The following STK32B variants were observed in gnomAD, a reference collection of about 807,000 sequenced individuals.
The protein encoded by STK32B is serine/threonine kinase 32B, also known as serine/threonine-protein kinase 32B.
A neutral mutation model predicts 52.6 loss-of-function variants in STK32B; 43 were observed. That is an observed-to-expected ratio of 0.82 (90% confidence interval 0.64 to 1.05). STK32B has a LOEUF of 1.05. Ranked by LOEUF, STK32B falls within the 50% of genes least tolerant of loss-of-function variation. STK32B has a pLI of 0.00. For missense variants in STK32B, 621 were observed against 534.6 expected, an observed-to-expected ratio of 1.16 and a Z score of -1.59; for synonymous variants, 238 against 204.3, an observed-to-expected ratio of 1.17 and a Z score of -1.41.
chr4:5,205,257 T>A (rs1397087313), intron 3 of STK32B, among the ~76,000 whole-genome samples: 1 of 152,132 alleles, frequency 6.6e-6, no homozygotes, highest in Non-Finnish European at 1.5e-5. Flanking sequence ...TCAGACTGAA[T>A]CACAACACTA....
chr4:5,171,501 T>G (rs1414665615), intron 3 of STK32B, among the ~76,000 whole-genome samples: 4 of 152,248 alleles, frequency 2.6e-5, no homozygotes, highest in South Asian at 2.1e-4. Flanking sequence ...ACAAGGAAGG[T>G]GTCCAGTTTC....
intron 3 of STK32B, among the ~76,000 whole-genome samples, chr4:5,196,490 C>T (rs796376489): frequency 7.2e-5 from 11 of 151,870 alleles, no homozygotes; most frequent in East Asian, 3.9e-4. Flanking sequence ...TAGGAGGCCA[C>T]GGTGCGTAGA....
intron 2 of STK32B, among the ~76,000 whole-genome samples, chr4:5,157,501 C>G (rs373118411): frequency 1.1e-4 from 17 of 152,148 alleles, no homozygotes; most frequent in African/African-American, 4.1e-4. Context: ...ACAGCCTCTC[C>G]GAGAGGAGAA....
At chr4:5,322,208 A>C (rs1230679995) in intron 3 of STK32B, among the ~76,000 whole-genome samples, 1 of 152,164 alleles carries the variant, frequency 6.6e-6, no homozygotes, top group Non-Finnish European at 1.5e-5. Context: ...ATGTTATTAA[A>C]GACATGTATC....
chr4:5,098,976 A>G (rs1028185723), intron 1 of STK32B, among the ~76,000 whole-genome samples: 1 of 152,128 alleles, frequency 6.6e-6, no homozygotes, highest in African/African-American at 2.4e-5. Flanking sequence ...AACAACATAC[A>G]TTTATTTTCT....
rs143866695 is a variant in STK32B at position 5,123,157 on chromosome 4, C to T, written c.53-16748C>T. Among the ~76,000 whole-genome samples the T allele has an allele frequency of 2.3e-3, 349 of 152,286 alleles. 1 individual carries two copies. The highest frequency in any genetic ancestry group is 7.6e-3 in the African/African-American group (315 of 41,548). ...CTCTGCTCCCTGAGGCCTTGCTGTC[C>T]ATGTGTCACTCATGCCCCAAGCTGT... is the stretch of plus-strand genomic sequence containing the variant. On this transcript the variant is annotated intron_variant, in intron 1 of 11. Coordinates refer to ENST00000282908, the MANE Select transcript of STK32B (RefSeq NM_018401.3).
intron 6 of STK32B, among the ~76,000 whole-genome samples, chr4:5,435,346 T>A (rs993348997): frequency 6.6e-6 from 1 of 152,214 alleles, no homozygotes. Flanking sequence ...ATCTGTTGTT[T>A]GCTGTCCCGG....
At chr4:5,266,765 C>T (rs1297024586) in intron 3 of STK32B, among the ~76,000 whole-genome samples, 1 of 152,112 alleles carries the variant, frequency 6.6e-6, no homozygotes, top group African/African-American at 2.4e-5. Flanking sequence ...TCCCCTTGGC[C>T]TCTTTGAGAT....
At chr4:5,437,894 G>T in intron 6 of STK32B, 1 of 984,170 alleles carries the variant, frequency 1.0e-6, no homozygotes, top group Non-Finnish European at 1.2e-6. Flanking sequence ...GTGGCATAGG[G>T]ATTATGATAT....
chr4:5,268,033 G>A lies in STK32B; in HGVS notation c.261-63187G>A, dbSNP rs114309956. ...AAGAATAGTTACAGGACAGCAGTTG[G>A]TTCAGGAGCCATTCTGTTCTGCTTG... On this transcript the variant is annotated intron_variant, in intron 3 of 11. Coordinates refer to ENST00000282908, the MANE Select transcript of STK32B (RefSeq NM_018401.3). 9.5e-3 allele frequency among the ~76,000 whole-genome samples: 1,442 copies of A among 152,278 alleles called. 51 individuals are homozygous for A. Among genetic ancestry groups the A allele is most frequent in the Admixed American group, 0.054 (825 of 15,284 alleles).
At chr4:5,163,506 G>T (rs1718610108) in intron 2 of STK32B, among the ~76,000 whole-genome samples, 1 of 150,450 alleles carries the variant, frequency 6.6e-6, no homozygotes, top group Non-Finnish European at 1.5e-5. Context: ...ACTCTTCAAA[G>T]AAATTCTAAA....
chr4:5,366,438 C>T (rs959516394), intron 4 of STK32B, among the ~76,000 whole-genome samples: 7 of 152,222 alleles, frequency 4.6e-5, no homozygotes, highest in Admixed American at 4.6e-4. Context: ...ATCTCTGAGT[C>T]ACAGGAACAA....
chr4:5,413,451 T>C (rs1711879133), intron 5 of STK32B, among the ~76,000 whole-genome samples: 2 of 152,202 alleles, frequency 1.3e-5, no homozygotes, highest in South Asian at 2.1e-4. Flanking sequence ...CTTTATGCTG[T>C]TTTTCCTTGT....
intron 4 of STK32B, among the ~76,000 whole-genome samples, chr4:5,355,540 C>T (rs1458610027): frequency 6.6e-6 from 1 of 152,138 alleles, no homozygotes; most frequent in Non-Finnish European, 1.5e-5. Flanking sequence ...AAGGCACTGG[C>T]AGAATTTATC....
intron 1 of STK32B, among the ~76,000 whole-genome samples, chr4:5,096,421 T>C (rs1713396526): frequency 6.6e-6 from 1 of 152,216 alleles, no homozygotes; most frequent in Non-Finnish European, 1.5e-5. Flanking sequence ...GGAGTGGCCA[T>C]GCGAGCCAAG....
chr4:5,199,492 G>C (rs1198180932), intron 3 of STK32B, among the ~76,000 whole-genome samples: 2 of 141,564 alleles, frequency 1.4e-5, no homozygotes, highest in Non-Finnish European at 3.1e-5. Flanking sequence ...TGTGAATGCT[G>C]TTTTTTTTTT....
chr4:5,063,367 GAGTCTCGCTCTGTCACCC>G (rs1277528562), intron 1 of STK32B, among the ~76,000 whole-genome samples: 1 of 151,972 alleles, frequency 6.6e-6, no homozygotes, highest in Non-Finnish European at 1.5e-5. Context: ...TGTCTTGAGA[GAGTCTCGCTCTGTCACCC>G]AGGCTGGAGT....
chr4:5,332,288 G>GA (rs1482336272), intron 4 of STK32B, among the ~76,000 whole-genome samples: 7 of 152,154 alleles, frequency 4.6e-5, no homozygotes, highest in African/African-American at 1.7e-4. Flanking sequence ...AAGCTGGGAA[G>GA]AAAGATGTAG....
chr4:5,175,572 G>T (rs1032891644), intron 3 of STK32B, among the ~76,000 whole-genome samples: 1 of 152,250 alleles, frequency 6.6e-6, no homozygotes, highest in African/African-American at 2.4e-5. Context: ...GTCCACTCCA[G>T]ACCCCGTTTC....
Sources: allele counts gnomAD v4.1 joint callset (sites outside exome capture counted in the v4.1 genomes callset), GRCh38; gene constraint gnomAD v4.1.1; transcripts MANE v1.5; gene names NCBI Gene and HGNC (gene_info 2026-07-23, HGNC 2026-07-21).